The following DRICH1 variants were observed in gnomAD, a reference collection of about 807,000 sequenced individuals.
DRICH1 encodes aspartate rich 1, also known as aspartate-rich protein 1.
A neutral mutation model predicts 39.5 loss-of-function variants in DRICH1; 38 were observed. The observed-to-expected ratio is 0.96, with a 90% CI of 0.74 to 1.26. DRICH1 has a LOEUF of 1.26. Among genes scored for constraint, DRICH1 ranks in the 50% most tolerant of loss-of-function variants. The pLI is 0.00. For missense variants in DRICH1, 279 were observed against 270.4 expected, an observed-to-expected ratio of 1.03 and a Z score of -0.22; for synonymous variants, 84 against 99.5, an observed-to-expected ratio of 0.84 and a Z score of 0.93.
the DRICH1 span, among the ~76,000 whole-genome samples, chr22:23,598,567 C>T: frequency 2.0e-5 from 3 of 152,152 alleles, no homozygotes; most frequent in Admixed American, 2.0e-4. Context: ...ACAGCAGAGG[C>T]TCCACTTGGA....
intron 1 of DRICH1, 26 bp from the exon 2 acceptor site, chr22:23,626,074 G>A: frequency 5.1e-6 from 8 of 1,565,430 alleles, no homozygotes; most frequent in African/African-American, 1.4e-5. Flanking sequence ...GTTAATGTCA[G>A]TGCCCTGGTG....
chr22:23,592,835 TACACACACACACACAC>T, the DRICH1 span, among the ~76,000 whole-genome samples: 113 of 135,244 alleles, frequency 8.4e-4, no homozygotes, highest in African/African-American at 2.8e-3. Flanking sequence ...CTATTAAAAA[TACACACACACACACAC>T]ACACACACAC....
intron 5 of DRICH1, among the ~76,000 whole-genome samples, chr22:23,619,658 C>G (rs62238863): frequency 1.2e-4 from 19 of 152,202 alleles, no homozygotes; most frequent in Non-Finnish European, 2.9e-5. Context: ...GAAAGGAAAG[C>G]CTCTTCCACA....
intron 8 of DRICH1, among the ~76,000 whole-genome samples, chr22:23,614,778 T>G (rs1327414409): frequency 6.6e-6 from 1 of 152,100 alleles, no homozygotes; most frequent in Admixed American, 6.5e-5. Flanking sequence ...TCTTTGTAAG[T>G]CTTCTTCTGG....
chr22:23,612,302 C>T (rs1927078127), intron 11 of DRICH1, among the ~76,000 whole-genome samples: 1 of 151,504 alleles, frequency 6.6e-6, no homozygotes, highest in African/African-American at 2.4e-5. Flanking sequence ...CCTGTCTCCA[C>T]CAAAAATACA....
the DRICH1 span, among the ~76,000 whole-genome samples, chr22:23,585,384 G>A: frequency 3.3e-5 from 5 of 152,264 alleles, no homozygotes; most frequent in Admixed American, 2.6e-4. Context: ...AGATCCTCCC[G>A]ACTTGGCCTC....
the DRICH1 span, among the ~76,000 whole-genome samples, chr22:23,582,133 C>T: frequency 1.3e-5 from 2 of 151,468 alleles, no homozygotes; most frequent in African/African-American, 4.9e-5. Flanking sequence ...GCGCCCACCA[C>T]CATGCCAGCT....
chr22:23,615,524 G>A (rs1462709699), intron 8 of DRICH1, among the ~76,000 whole-genome samples: 1 of 152,188 alleles, frequency 6.6e-6, no homozygotes. Flanking sequence ...GTACAAATAA[G>A]TGGAAAGGCA....
the DRICH1 span, among the ~76,000 whole-genome samples, chr22:23,589,486 ATATATATG>A: frequency 1.6e-5 from 2 of 127,894 alleles, no homozygotes; most frequent in African/African-American, 5.8e-5. Context: ...ATGTACATAT[ATATATATG>A]TGTGTATGTG....
At chr22:23,595,002 G>A in the DRICH1 span, among the ~76,000 whole-genome samples, 1 of 148,178 alleles carries the variant, frequency 6.7e-6, no homozygotes, top group African/African-American at 2.5e-5. Context: ...AAGAAAAGAT[G>A]AGGATAAGCA....
intron 5 of DRICH1, among the ~76,000 whole-genome samples, chr22:23,619,837 G>A (rs1274775543): frequency 1.3e-5 from 2 of 152,188 alleles, no homozygotes; most frequent in African/African-American, 4.8e-5. Flanking sequence ...GATACCAGAG[G>A]TAAACAGCAA....
At chr22:23,599,177 C>G in the DRICH1 span, among the ~76,000 whole-genome samples, 1 of 152,214 alleles carries the variant, frequency 6.6e-6, no homozygotes, top group Non-Finnish European at 1.5e-5. Context: ...AGATCTGAGG[C>G]ATTCAGGGCC....
chr22:23,596,465 A>G, the DRICH1 span, among the ~76,000 whole-genome samples: 2 of 152,088 alleles, frequency 1.3e-5, no homozygotes, highest in Non-Finnish European at 2.9e-5. Context: ...TTTGTCGCCC[A>G]GGCTGGTTTA....
At chr22:23,627,652 G>A (rs377168709) in intron 1 of DRICH1, among the ~76,000 whole-genome samples, 7 of 152,212 alleles carry the variant, frequency 4.6e-5, no homozygotes, top group Non-Finnish European at 8.8e-5. Context: ...GGGGGTGCAC[G>A]TGCACACAGG....
chr22:23,594,249 A>G, the DRICH1 span, among the ~76,000 whole-genome samples: 1 of 152,172 alleles, frequency 6.6e-6, no homozygotes, highest in South Asian at 2.1e-4. Flanking sequence ...GTGACAAAAA[A>G]TCTTGAAAGC....
the DRICH1 span, among the ~76,000 whole-genome samples, chr22:23,598,581 A>G: frequency 6.6e-6 from 1 of 152,102 alleles, no homozygotes; most frequent in Non-Finnish European, 1.5e-5. Context: ...ACTTGGAAGA[A>G]CACGCTCTGG....
At chr22:23,604,527 C>T (rs896353707), downstream of DRICH1, among the ~76,000 whole-genome samples, 9 of 152,164 alleles carry the variant, frequency 5.9e-5, no homozygotes, top group Non-Finnish European at 1.3e-4. Context: ...ATGGGGACTC[C>T]TTGCCTAGAA....
chr22:23,597,564 G>T, the DRICH1 span, among the ~76,000 whole-genome samples: 32 of 152,076 alleles, frequency 2.1e-4, no homozygotes, highest in African/African-American at 7.5e-4. Flanking sequence ...TAAACTGTTG[G>T]TTGGGAGCCG....
the DRICH1 span, among the ~76,000 whole-genome samples, chr22:23,597,870 G>A: frequency 6.6e-6 from 1 of 152,166 alleles, no homozygotes; most frequent in Admixed American, 6.5e-5. Flanking sequence ...TGAACACCCA[G>A]TGCAGCCCTG....
Sources: gnomAD v4.1 joint callset for allele counts (sites outside exome capture counted in the v4.1 genomes callset) on GRCh38, gnomAD v4.1.1 for gene constraint, MANE v1.5 for transcripts, NCBI Gene and HGNC (gene_info 2026-07-23, HGNC 2026-07-21) for gene names.